Variants in RILPL1 observed in about 807,000 individuals in gnomAD.
The protein encoded by RILPL1 is RILP-like protein 1.
A neutral mutation model predicts 50.3 loss-of-function variants in RILPL1; 33 were observed. That is an observed-to-expected ratio of 0.66 (90% CI 0.50 to 0.88). RILPL1 has a LOEUF of 0.88. RILPL1 is among the 40% of genes least tolerant of loss of function. The pLI, the probability that RILPL1 is intolerant of heterozygous loss-of-function variation, is 0.00. For synonymous variants in RILPL1, 205 were observed against 228.6 expected (o/e 0.90, Z 0.93); for missense variants, 418 against 542.5 (o/e 0.77, Z 2.28).
Position 123,520,216 on chromosome 12 carries a change from C to T in RILPL1, c.460+3279G>A, listed in dbSNP as rs143327666. Among the ~76,000 whole-genome samples, 1,384 of 152,280 alleles carry T rather than the reference C, an allele frequency of 9.1e-3. 25 individuals are homozygous for T. Among genetic ancestry groups the T allele is most frequent in the African/African-American group, 0.031 (1,271 of 41,568 alleles). ...GTCCATCCATAGATGAGTGGGCAAACGACATGCAGTATGGCCATAGAACGG... is the reference window on the plus strand; with the variant it reads ...GTCCATCCATAGATGAGTGGGCAAATGACATGCAGTATGGCCATAGAACGG... On this transcript the variant is annotated intron_variant, in intron 2 of 6. Transcript: ENST00000376874.
Position 123,472,641 on chromosome 12 carries a change from G to A in RILPL1, c.1109C>T (p.Thr370Ile). ...FSRDKKRLAN[T>I]QRNVHIQESF... ...CTCCTGGATGTGCACGTTTCTCTGT[G>A]TGTTGGCCAGGCGCTTCTTATCTCG... Residue 370 changes from threonine to isoleucine, a missense_variant, in exon 7 of 7, where the codon ACA becomes ATA. Coordinates refer to ENST00000376874, the MANE Select transcript of RILPL1 (RefSeq NM_178314.5). The A allele has an allele frequency of 1.9e-6, 3 of 1,597,342 alleles. No individual in the cohort carries two copies. Among genetic ancestry groups the A allele is most frequent in the Non-Finnish European group, 2.6e-6 (3 of 1,171,952 alleles).
chr12:123,482,255 G>A (rs1216514909), intron 6 of RILPL1, among the ~76,000 whole-genome samples: 1 of 152,158 alleles, frequency 6.6e-6, no homozygotes, highest in Non-Finnish European at 1.5e-5. Context: ...TCTAAATGGT[G>A]TTGGGATCTA....
At chr12:123,476,940 T>TA (rs979690717) in intron 6 of RILPL1, among the ~76,000 whole-genome samples, 1 of 152,160 alleles carries the variant, frequency 6.6e-6, no homozygotes, top group Non-Finnish European at 1.5e-5. Context: ...GGTGATGCCC[T>TA]GGCAAGGGGG....
In RILPL1 at chr12:123,507,220, G is replaced by A. The variant is rs552585500; in HGVS notation, c.461-7684C>T. Among the ~76,000 whole-genome samples the A allele has an allele frequency of 3.3e-5, 5 of 152,256 alleles. No individual in the cohort carries two copies. In the East Asian group the frequency reaches 9.6e-4, roughly 29 times the overall value. On this transcript the variant is annotated intron_variant, in intron 2 of 6. Coordinates refer to ENST00000376874, the MANE Select transcript of RILPL1 (RefSeq NM_178314.5). ...AGGCAGGTGTGCCCACATGCCTCAGGAGGAAGATGGTGAAATTAACCACTG... is the reference window on the plus strand; with the variant it reads ...AGGCAGGTGTGCCCACATGCCTCAGAAGGAAGATGGTGAAATTAACCACTG...
chr12:123,511,964 C>G (rs1213388028), intron 2 of RILPL1, among the ~76,000 whole-genome samples: 8 of 53,256 alleles, frequency 1.5e-4, no homozygotes, highest in Non-Finnish European at 2.2e-4. Flanking sequence ...GGTGTGAGAT[C>G]TGTGTGTGTG....
At chr12:123,524,952 C>T (rs746645749) in intron 1 of RILPL1, among the ~76,000 whole-genome samples, 1 of 151,862 alleles carries the variant, frequency 6.6e-6, no homozygotes, top group Non-Finnish European at 1.5e-5. Flanking sequence ...GCCAACATGG[C>T]GAAACCCCAT....
At chr12:123,515,462 G>GT (rs1219575966) in intron 2 of RILPL1, 1 of 150,050 alleles carries the variant, frequency 6.7e-6, no homozygotes, top group African/African-American at 2.4e-5. Context: ...TTGTCTGTCT[G>GT]TTTTTTGAGA....
chr12:123,523,692 G>A, intron 1 of RILPL1, 47 bp from the exon 2 acceptor site: 1 of 1,586,390 alleles, frequency 6.3e-7, no homozygotes, highest in African/African-American at 1.3e-5. Flanking sequence ...GCCCAGAGCA[G>A]CCGCCCCACC....
At chr12:123,477,659 G>A (rs1215609846) in intron 6 of RILPL1, among the ~76,000 whole-genome samples, 1 of 152,074 alleles carries the variant, frequency 6.6e-6, no homozygotes, top group African/African-American at 2.4e-5. Flanking sequence ...GAACCTCCTG[G>A]ATGGTTTCTC....
intron 3 of RILPL1, 150 bp downstream of exon 3, chr12:123,499,268 G>T: frequency 1.6e-6 from 1 of 609,436 alleles, no homozygotes; most frequent in East Asian, 2.9e-5. Context: ...TTCCAGGCTG[G>T]GCCCGCCAAG....
In RILPL1 at chr12:123,533,011, C is replaced by A. The variant is rs895392731; in HGVS notation, c.309+163G>T. Among the ~76,000 whole-genome samples, 1 of 152,150 alleles carries A rather than the reference C, an allele frequency of 6.6e-6. No homozygotes were observed. ...GTGGTATCTGCCAGCCACCCCTGGT[C>A]GGGCAAAAGAAGGCCAGGGCCTCCC... On this transcript the variant is annotated intron_variant, in intron 1 of 6. Coordinates refer to ENST00000376874, the MANE Select transcript of RILPL1 (RefSeq NM_178314.5). The surrounding 1 kb of genome is among the most constrained non-coding windows in gnomAD (Gnocchi z 6.2).
At chr12:123,475,821 A>T in intron 6 of RILPL1, 30 of 903,398 alleles carry the variant, frequency 3.3e-5, no homozygotes, top group Non-Finnish European at 4.7e-5. Context: ...CAAACTCCAC[A>T]GACACCAGTG....
At chr12:123,493,391 A>C (rs1353020659) in intron 4 of RILPL1, among the ~76,000 whole-genome samples, 1 of 152,158 alleles carries the variant, frequency 6.6e-6, no homozygotes, top group East Asian at 1.9e-4. Context: ...AACACCCACG[A>C]ATGATCAATA....
intron 1 of RILPL1, among the ~76,000 whole-genome samples, chr12:123,525,497 C>G (rs374115573): frequency 6.7e-6 from 1 of 148,476 alleles, no homozygotes; most frequent in Non-Finnish European, 1.5e-5. Context: ...GTCAGGAGTT[C>G]GAGACCAGCC....
At chr12:123,527,031 ATTAAG>A (rs1258039571) in intron 1 of RILPL1, among the ~76,000 whole-genome samples, 2 of 152,314 alleles carry the variant, frequency 1.3e-5, no homozygotes, top group African/African-American at 2.4e-5. Context: ...TGCAGAGATG[ATTAAG>A]TTAAGGATCT....
intron 2 of RILPL1, among the ~76,000 whole-genome samples, chr12:123,518,798 C>G (rs988847004): frequency 6.6e-6 from 1 of 151,842 alleles, no homozygotes; most frequent in Non-Finnish European, 1.5e-5. Flanking sequence ...GTGGCTCATG[C>G]CTGTAATCCC....
At chr12:123,496,561 G>C (rs921241191) in intron 4 of RILPL1, among the ~76,000 whole-genome samples, 1 of 152,214 alleles carries the variant, frequency 6.6e-6, no homozygotes, top group African/African-American at 2.4e-5. Flanking sequence ...ACAAGCCTGA[G>C]TGTGTCCCTA....
chr12:123,518,232 G>A (rs892959806), intron 2 of RILPL1: 6 of 309,308 alleles, frequency 1.9e-5, no homozygotes, highest in Admixed American at 1.4e-4. Context: ...GGCCGGGTGC[G>A]GTTGCTCACA....
At chr12:123,513,402 G>T in intron 2 of RILPL1, 1 of 357,808 alleles carries the variant, frequency 2.8e-6, no homozygotes, top group Non-Finnish European at 5.9e-6. Context: ...CGAGAGGTGG[G>T]CGGGAGGCGA....
Sources: gnomAD v4.1 joint callset for allele counts (sites outside exome capture counted in the v4.1 genomes callset) on GRCh38, gnomAD v4.1.1 for gene constraint, Gnocchi (gnomAD v3.1) non-coding constraint, MANE v1.5 for transcripts, NCBI Gene and HGNC (gene_info 2026-07-23, HGNC 2026-07-21) for gene names.